The following PRKCA variants were observed in gnomAD, a reference collection of about 807,000 sequenced individuals.
The protein encoded by PRKCA is protein kinase C alpha, also known as protein kinase C alpha type.
PRKCA carries 27 observed loss-of-function variants against 87.0 expected under a neutral mutation model. The observed-to-expected ratio is 0.31, with a 90% confidence interval of 0.23 to 0.43. PRKCA has a LOEUF of 0.43. Ranked by LOEUF, PRKCA falls within the 20% of genes least tolerant of loss-of-function variation. PRKCA has a pLI of 1.00. For synonymous variants in PRKCA, 329 were observed against 311.1 expected, an observed-to-expected ratio of 1.06 and a Z score of -0.61; for missense variants, 518 against 852.3, an observed-to-expected ratio of 0.61 and a Z score of 4.88.
chr17:66,625,146 C>T (rs982277174), intron 3 of PRKCA, among the ~76,000 whole-genome samples: 7 of 152,130 alleles, frequency 4.6e-5, no homozygotes, highest in Admixed American at 6.5e-5. Context: ...TTTCCTCTTA[C>T]GGATACCAAT....
At chr17:66,463,398 A>AT (rs1052330772) in intron 2 of PRKCA, among the ~76,000 whole-genome samples, 6 of 150,500 alleles carry the variant, frequency 4.0e-5, no homozygotes, top group Admixed American at 3.3e-4. Context: ...TTTTTTTTAA[A>AT]TTTTTTTATT....
Position 66,562,228 on chromosome 17 carries a change from A to T in PRKCA, c.288+65945A>T, listed in dbSNP as rs958404357. On this transcript the variant is annotated intron_variant, in intron 3 of 16. Coordinates refer to ENST00000413366, the MANE Select transcript of PRKCA (RefSeq NM_002737.3). ...ATATATAATTAAATTATATATAATT[A>T]TATATATATATATCTCACCACAATA... Among the ~76,000 whole-genome samples the T allele has an allele frequency of 2.4e-4, 31 of 130,434 alleles. 3 individuals are homozygous for T. Among genetic ancestry groups the T allele is most frequent in the African/African-American group, 9.0e-4 (30 of 33,154 alleles). The allele number at this position is 130,434 out of a possible 152,430, so 85.6% of individuals were successfully genotyped here.
intron 13 of PRKCA, among the ~76,000 whole-genome samples, chr17:66,763,891 C>T (rs1367947339): frequency 1.3e-5 from 2 of 152,138 alleles, no homozygotes; most frequent in African/African-American, 4.8e-5. Flanking sequence ...GCCAAGAGCT[C>T]CTGAGTGAAG....
At chr17:66,555,130 G>A (rs548249753) in intron 3 of PRKCA, among the ~76,000 whole-genome samples, 16 of 152,232 alleles carry the variant, frequency 1.1e-4, no homozygotes, top group East Asian at 9.7e-4. Flanking sequence ...CACCTGCCTC[G>A]GCCTCCCAAA....
intron 4 of PRKCA, 100 bp from the exon 5 acceptor site, chr17:66,645,282 TG>T: frequency 1.3e-6 from 2 of 1,518,346 alleles, no homozygotes; most frequent in Non-Finnish European, 9.0e-7. Flanking sequence ...AGTATCGAGT[TG>T]GGGGTAACTC....
At chr17:66,421,155 C>T (rs774444192) in intron 2 of PRKCA, among the ~76,000 whole-genome samples, 13 of 152,162 alleles carry the variant, frequency 8.5e-5, no homozygotes, top group Non-Finnish European at 1.5e-4. Flanking sequence ...GATGGCTACT[C>T]CAGTTGGGCA....
At chr17:66,624,337 C>T (rs994791965) in intron 3 of PRKCA, among the ~76,000 whole-genome samples, 3 of 152,130 alleles carry the variant, frequency 2.0e-5, no homozygotes, top group Non-Finnish European at 4.4e-5. Context: ...CAGTTATCTC[C>T]AGACTCTGAA....
intron 3 of PRKCA, among the ~76,000 whole-genome samples, chr17:66,520,908 T>A (rs1967138627): frequency 6.6e-6 from 1 of 152,240 alleles, no homozygotes; most frequent in Admixed American, 6.5e-5. Flanking sequence ...CCTGATTTTA[T>A]TGCTTTATAA....
chr17:66,709,899 G>A (rs1973281343), intron 8 of PRKCA, among the ~76,000 whole-genome samples: 1 of 151,998 alleles, frequency 6.6e-6, no homozygotes, highest in Non-Finnish European at 1.5e-5. Context: ...TGGTAAGCGG[G>A]TTTGGTTTCA....
chr17:66,407,076 T>C (rs1247883032), intron 2 of PRKCA, among the ~76,000 whole-genome samples: 4 of 152,224 alleles, frequency 2.6e-5, no homozygotes, highest in Admixed American at 2.6e-4. Flanking sequence ...GAGCAACTAA[T>C]ATTTTGCTTG....
intron 2 of PRKCA, among the ~76,000 whole-genome samples, chr17:66,355,081 T>A (rs1397195742): frequency 6.6e-6 from 1 of 152,236 alleles, no homozygotes; most frequent in Non-Finnish European, 1.5e-5. Flanking sequence ...TCTGAAAAAC[T>A]GAATTTCACA....
At chr17:66,767,049 A>G (rs959349006) in intron 13 of PRKCA, among the ~76,000 whole-genome samples, 7 of 152,214 alleles carry the variant, frequency 4.6e-5, no homozygotes, top group South Asian at 2.1e-4. Flanking sequence ...ATTTGAAAAT[A>G]CATTGAAAAG....
In PRKCA at chr17:66,774,139, C is replaced by A. The variant is rs1425804284; in HGVS notation, c.1605+72C>A. ...GAATACTTCAGCTCTGGTTGGGCCT[C>A]GAGAGCAAGACCTGACGTTTTAGTG... On this transcript the variant is annotated intron_variant, in intron 14 of 16. Coordinates refer to ENST00000413366, the MANE Select transcript of PRKCA (RefSeq NM_002737.3). 3 of 1,610,260 alleles carry A rather than the reference C, an allele frequency of 1.9e-6. No individual in the cohort carries two copies. The African/African-American group carries it at 4.0e-5, about 22-fold the overall frequency.
intron 3 of PRKCA, among the ~76,000 whole-genome samples, chr17:66,639,616 G>A (rs1436950730): frequency 6.6e-6 from 1 of 152,008 alleles, no homozygotes; most frequent in East Asian, 2.0e-4. Flanking sequence ...TCAAACTCCT[G>A]ATCTCAGGTG....
chr17:66,453,598 G>A (rs554665925), intron 2 of PRKCA, among the ~76,000 whole-genome samples: 46 of 152,206 alleles, frequency 3.0e-4, no homozygotes, highest in African/African-American at 9.9e-4. Flanking sequence ...GATTATAGAC[G>A]TGAGCCACTG....
intron 5 of PRKCA, among the ~76,000 whole-genome samples, chr17:66,672,845 T>TA (rs1242000582): frequency 6.6e-6 from 1 of 152,188 alleles, no homozygotes; most frequent in Non-Finnish European, 1.5e-5. Flanking sequence ...GTGAATTCTA[T>TA]AAAAATAAAT....
intron 3 of PRKCA, among the ~76,000 whole-genome samples, chr17:66,499,695 CCTA>C (rs1916643318): frequency 6.6e-6 from 1 of 152,066 alleles, no homozygotes; most frequent in African/African-American, 2.4e-5. Context: ...ATGTCCTGCT[CCTA>C]ATCTTGTGTT....
intron 8 of PRKCA, among the ~76,000 whole-genome samples, chr17:66,705,377 A>G (rs958668490): frequency 1.3e-5 from 2 of 152,246 alleles, no homozygotes; most frequent in African/African-American, 4.8e-5. Flanking sequence ...AGCCTCTGAA[A>G]GCAACTGTAC....
intron 2 of PRKCA, among the ~76,000 whole-genome samples, chr17:66,485,949 A>G (rs992351621): frequency 6.6e-6 from 1 of 152,216 alleles, no homozygotes; most frequent in Non-Finnish European, 1.5e-5. Context: ...ACGTGTTGCA[A>G]TGATTATTTT....
Sources: gnomAD v4.1 joint callset for allele counts (sites outside exome capture counted in the v4.1 genomes callset) on GRCh38, gnomAD v4.1.1 for gene constraint, MANE v1.5 for transcripts, NCBI Gene and HGNC (gene_info 2026-07-23, HGNC 2026-07-21) for gene names.